The following QRSL1 variants were observed in gnomAD, a reference collection of about 807,000 sequenced individuals.
QRSL1 encodes the protein glutaminyl-tRNA amidotransferase subunit QRSL1.
QRSL1 carries 54 observed loss-of-function variants against 61.6 expected under a neutral mutation model. The observed-to-expected ratio is 0.88, with a 90% confidence interval of 0.70 to 1.10. QRSL1 has a LOEUF of 1.10. Among genes scored for constraint, QRSL1 ranks in the 50% least tolerant of loss-of-function variants. The probability of loss-of-function intolerance (pLI) is 0.00; values close to 1 mark genes in which losing one functional copy is unlikely to be tolerated. For missense variants in QRSL1, 505 were observed against 622.6 expected, an observed-to-expected ratio of 0.81 and a Z score of 2.01; for synonymous variants, 228 against 225.7, an observed-to-expected ratio of 1.01 and a Z score of -0.09.
At chr6:106,664,320 A>C (rs1050962909) in intron 10 of QRSL1, among the ~76,000 whole-genome samples, 7 of 152,232 alleles carry the variant, frequency 4.6e-5, no homozygotes, top group African/African-American at 1.7e-4. Flanking sequence ...AGAAAACTTA[A>C]GAGGAAAAGG....
chr6:106,629,633 T>A lies in QRSL1; in HGVS notation c.-49T>A, dbSNP rs759963753. ...AACATCACTAGCGACCGGTGACCTC[T>A]TTTTCCCCCTTGCCTGGCTCCTGTG... On this transcript the variant is annotated 5_prime_UTR_variant, in exon 1 of 11. Coordinates refer to ENST00000369046, the MANE Select transcript of QRSL1 (RefSeq NM_018292.5). 5.1e-6 allele frequency: 8 copies of A among 1,576,650 alleles called. No individual in the cohort carries two copies. The South Asian group carries it at 5.8e-5, about 11-fold the overall frequency.
rs1777035270 is a variant in QRSL1, at chr6:106,642,362, T to G, written c.284-632T>G. On this transcript the variant is annotated intron_variant, in intron 3 of 10. Coordinates refer to ENST00000369046, the MANE Select transcript of QRSL1 (RefSeq NM_018292.5). ...TGAGCCACCCCGCCCCGCCGACTCT[T>G]GTTTCTTACATATGATTTACATGTT... 1.6e-5 allele frequency: 6 copies of G among 381,912 alleles called. 1 individual carries two copies. The South Asian group carries it at 1.6e-4, about 10-fold the overall frequency. 23.7% of individuals were successfully genotyped at this position (381,912 alleles called of 1,614,324 possible).
intron 4 of QRSL1, among the ~76,000 whole-genome samples, chr6:106,645,780 T>C (rs1039524931): frequency 1.3e-5 from 2 of 152,246 alleles, no homozygotes; most frequent in African/African-American, 4.8e-5. Context: ...TTATTGCTAG[T>C]ACATTGAAAC....
intron 4 of QRSL1, among the ~76,000 whole-genome samples, chr6:106,643,550 CA>C (rs1182258360): frequency 6.6e-6 from 1 of 152,012 alleles, no homozygotes; most frequent in Non-Finnish European, 1.5e-5. Flanking sequence ...TGTGGTGGCG[CA>C]TGCCTGTAAT....
At chr6:106,643,427 C>T (rs367678003) in intron 4 of QRSL1, among the ~76,000 whole-genome samples, 6 of 152,128 alleles carry the variant, frequency 3.9e-5, no homozygotes, top group East Asian at 3.9e-4. Context: ...TGACTGTAAT[C>T]GCAGCACTTT....
At chr6:106,650,886 A>T (rs1452824323) in intron 5 of QRSL1, among the ~76,000 whole-genome samples, 2 of 152,308 alleles carry the variant, frequency 1.3e-5, no homozygotes, top group East Asian at 3.9e-4. Context: ...TAATTTTTAT[A>T]GTAGATATGT....
intron 9 of QRSL1, among the ~76,000 whole-genome samples, chr6:106,662,635 A>C (rs1777374766): frequency 1.3e-5 from 2 of 152,204 alleles, no homozygotes; most frequent in South Asian, 4.1e-4. Flanking sequence ...AAAGGGGCCC[A>C]GGGCAGAAGA....
chr6:106,635,935 A>G lies in QRSL1; in HGVS notation c.25-4414A>G, dbSNP rs191784839. On this transcript the variant is annotated intron_variant, in intron 1 of 10. Transcript: ENST00000369046. The stretch of plus-strand genomic sequence containing the variant: ...CTAATGCTGTCTGTTAAGTTAATTA[A>G]AATGTCTCCACTTCATTACAGAGAA... Among the ~76,000 whole-genome samples, 512 of 152,304 alleles carry G rather than the reference A, an allele frequency of 3.4e-3. 5 individuals carry two copies. The highest frequency in any genetic ancestry group is 0.012 in the African/African-American group (480 of 41,558).
intron 7 of QRSL1, 94 bp from the exon 8 acceptor site, chr6:106,654,636 A>G: frequency 2.7e-6 from 3 of 1,128,890 alleles, no homozygotes; most frequent in African/African-American, 1.6e-5. Flanking sequence ...CCTGAAGTAC[A>G]GATTTTTATA....
intron 1 of QRSL1, among the ~76,000 whole-genome samples, chr6:106,631,336 C>T (rs1019184820): frequency 5.9e-5 from 9 of 152,188 alleles, no homozygotes; most frequent in African/African-American, 2.2e-4. Context: ...GCCTTTTCCA[C>T]TGTCAATCTA....
rs1777466115 is a variant in QRSL1 at position 106,667,864 on chromosome 6, G to A, written c.*1862G>A. 6.6e-6 allele frequency: 1 copy of A among 151,820 alleles called. No individual in the cohort carries two copies. The highest frequency in any genetic ancestry group is 1.5e-5 in the Non-Finnish European group (1 of 67,992). 9.4% of individuals were successfully genotyped at this position (151,820 alleles called of 1,614,324 possible). ...CTCAGACACCACAACATCCTAGATG[G>A]AGGAAACCATTTTAGTTGAAGGAGC... On this transcript the variant is annotated 3_prime_UTR_variant, in exon 11 of 11. Transcript: ENST00000369046.
rs142692484 is a variant in QRSL1, at chr6:106,629,702, A to C, written c.21A>C (p.Arg7=). 6.3e-5 allele frequency: 101 copies of C among 1,606,326 alleles called. No homozygotes were observed. Among genetic ancestry groups the C allele is most frequent in the Non-Finnish European group, 8.2e-5 (97 of 1,177,100 alleles). Reference sequence around the variant, plus strand: ...GGACCATGCTGGGCCGGAGCCTCCGAGAAGTGAGTGGAATTGGCCCGCTGA... The same window carrying C: ...GGACCATGCTGGGCCGGAGCCTCCGCGAAGTGAGTGGAATTGGCCCGCTGA... The part of the protein sequence containing the change: MLGRSL[R]EVSAALKQGQ... The change falls in exon 1 of 11, where the codon CGA becomes CGC. Residue 7 remains arginine, a synonymous_variant. Coordinates refer to ENST00000369046, the MANE Select transcript of QRSL1 (RefSeq NM_018292.5).
rs1218410668 is a variant in QRSL1, at chr6:106,654,748, T to C, written c.868T>C (p.Leu290=). The C allele has an allele frequency of 1.2e-6, 2 of 1,610,496 alleles. No homozygotes were observed. The highest frequency in any genetic ancestry group is 1.1e-5 in the South Asian group (1 of 90,582). ...GIPKEYLVPE[L]SSEVQSLWSK... ...CTATAAGGAATATCTTGTACCGGAATTATCAAGTGAAGTACAGTCTCTTTG... is the reference window on the plus strand; with the variant it reads ...CTATAAGGAATATCTTGTACCGGAACTATCAAGTGAAGTACAGTCTCTTTG... The change falls in exon 8 of 11, where the codon TTA becomes CTA. Residue 290 remains leucine (L), a synonymous_variant. Coordinates refer to ENST00000369046, the MANE Select transcript of QRSL1 (RefSeq NM_018292.5).
chr6:106,656,457 A>G (rs142406584), intron 9 of QRSL1, among the ~76,000 whole-genome samples: 2 of 152,310 alleles, frequency 1.3e-5, no homozygotes, highest in East Asian at 1.9e-4. Context: ...TCCTCCTTCA[A>G]TTGTCTTCAT....
chr6:106,635,545 C>T (rs1459853801), intron 1 of QRSL1, among the ~76,000 whole-genome samples: 1 of 152,154 alleles, frequency 6.6e-6, no homozygotes, highest in East Asian at 1.9e-4. Context: ...CTCTCCTGTA[C>T]CTTCAGCACT....
Position 106,648,978 on chromosome 6 carries a change from A to C in QRSL1, c.381-47A>C, listed in dbSNP as rs9486434. ...TATACTCAGAAGATGAAATTTTCAC[A>C]TAAAATGAAAGTTTTACTAAGGTAT... On this transcript the variant is annotated intron_variant, in intron 4 of 10. Transcript: ENST00000369046. The C allele has an allele frequency of 0.48, 742,647 of 1,544,044 alleles. 184,195 individuals are homozygous for C. The highest frequency in any genetic ancestry group is 0.52 in the Non-Finnish European group (589,610 of 1,141,640).
chr6:106,655,802 A>G, intron 9 of QRSL1, 70 bp downstream of exon 9: 1 of 962,916 alleles, frequency 1.0e-6, no homozygotes, highest in South Asian at 1.3e-5. Context: ...ATCAGGTCTT[A>G]TAAGTCAAGG....
chr6:106,629,636 T>A lies in QRSL1; in HGVS notation c.-46T>A. The A allele has an allele frequency of 1.3e-6, 2 of 1,581,362 alleles. No homozygotes were observed. Among genetic ancestry groups the A allele is most frequent in the Non-Finnish European group, 8.6e-7 (1 of 1,164,450 alleles). On this transcript the variant is annotated 5_prime_UTR_variant, in exon 1 of 11. Coordinates refer to ENST00000369046, the MANE Select transcript of QRSL1 (RefSeq NM_018292.5). Reference sequence around the variant, plus strand: ...ATCACTAGCGACCGGTGACCTCTTTTTCCCCCTTGCCTGGCTCCTGTGGTG... The same window carrying A: ...ATCACTAGCGACCGGTGACCTCTTTATCCCCCTTGCCTGGCTCCTGTGGTG...
At chr6:106,629,805 C>T in intron 1 of QRSL1, 100 bp downstream of exon 1, 1 of 1,413,754 alleles carries the variant, frequency 7.1e-7, no homozygotes, top group Non-Finnish European at 9.8e-7. Flanking sequence ...CTTGGCCCAC[C>T]TCGCTGCTTC....
Sources: gnomAD v4.1 joint callset for allele counts (sites outside exome capture counted in the v4.1 genomes callset) on GRCh38, gnomAD v4.1.1 for gene constraint, MANE v1.5 for transcripts, NCBI Gene and HGNC (gene_info 2026-07-23, HGNC 2026-07-21) for gene names.